The following SESN1 variants were observed in gnomAD, a reference collection of about 807,000 sequenced individuals.
SESN1 encodes the protein sestrin 1.
A neutral mutation model predicts 59.3 loss-of-function variants in SESN1; 30 were observed. The observed-to-expected ratio is 0.51, with a 90% confidence interval of 0.38 to 0.69. The LOEUF is 0.69. Ranked by LOEUF, SESN1 falls within the 30% of genes least tolerant of loss-of-function variation. The pLI, the probability that SESN1 is intolerant of heterozygous loss-of-function variation, is 0.00. For missense variants in SESN1, 566 were observed against 673.0 expected (o/e 0.84, Z 1.76); for synonymous variants, 197 against 219.9 (o/e 0.90, Z 0.92).
chr6:109,044,200 A>C (rs1238265264), intron 1 of SESN1, among the ~76,000 whole-genome samples: 1 of 151,538 alleles, frequency 6.6e-6, no homozygotes, highest in Non-Finnish European at 1.5e-5. Context: ...CGGTGATCCC[A>C]GCTACTTGGG....
intron 1 of SESN1, among the ~76,000 whole-genome samples, chr6:109,023,250 T>C (rs1303518572): frequency 6.6e-6 from 1 of 152,226 alleles, no homozygotes; most frequent in African/African-American, 2.4e-5. Flanking sequence ...ACTTTATACA[T>C]TTCTCCCTGA....
At position 109,026,273 on chromosome 6, in the gene SESN1, G is replaced by T. The variant is rs538842172; in HGVS notation, c.280-23930C>A. ...CCAACAGATCCTCAACTGAAGGAGT[G>T]TCAGTTCAGGAAGAAGCAAAATGAT... On this transcript the variant is annotated intron_variant, in intron 1 of 9. Coordinates refer to ENST00000436639, the MANE Select transcript of SESN1 (RefSeq NM_014454.3). 2.0e-4 allele frequency among the ~76,000 whole-genome samples: 30 copies of T among 152,250 alleles called. No homozygotes were observed. In the Middle Eastern group the frequency reaches 0.02, roughly 104 times the overall value.
chr6:109,075,832 G>T (rs1387069504), intron 1 of SESN1, among the ~76,000 whole-genome samples: 1 of 152,108 alleles, frequency 6.6e-6, no homozygotes, highest in Non-Finnish European at 1.5e-5. Context: ...TAATTCAGTT[G>T]TTAAAAAAAT....
intron 1 of SESN1, among the ~76,000 whole-genome samples, chr6:109,048,825 C>T (rs1333374935): frequency 6.6e-6 from 1 of 152,174 alleles, no homozygotes; most frequent in African/African-American, 2.4e-5. Context: ...TCTATGTGTT[C>T]CTGCATACCC....
At chr6:109,029,420 T>G (rs901518582) in intron 1 of SESN1, among the ~76,000 whole-genome samples, 2 of 152,246 alleles carry the variant, frequency 1.3e-5, no homozygotes, top group African/African-American at 2.4e-5. Context: ...TTAAATCTTT[T>G]TCTTGAGTGT....
chr6:109,085,874 G>A (rs528124131), intron 1 of SESN1, among the ~76,000 whole-genome samples: 13 of 152,194 alleles, frequency 8.5e-5, no homozygotes, highest in Middle Eastern at 3.4e-3. Context: ...CTTTAAGCAC[G>A]CTGCCCTCCC....
At chr6:108,991,150 G>GC (rs915277541) in intron 7 of SESN1, among the ~76,000 whole-genome samples, 1 of 151,522 alleles carries the variant, frequency 6.6e-6, no homozygotes, top group African/African-American at 2.4e-5. Context: ...TCTCCACTCA[G>GC]CCCCCCAGAT....
intron 1 of SESN1, among the ~76,000 whole-genome samples, chr6:109,008,545 C>G (rs1779782429): frequency 6.6e-6 from 1 of 152,054 alleles, no homozygotes; most frequent in African/African-American, 2.4e-5. Flanking sequence ...TTAAAGAAAT[C>G]ACGAAACCAC....
At position 109,002,317 on chromosome 6, in the gene SESN1, T is replaced by C. The variant is rs866921525; in HGVS notation, c.306A>G (p.Pro102=). 1 of 1,613,430 alleles carries C rather than the reference T, an allele frequency of 6.2e-7. No individual in the cohort carries two copies. Among genetic ancestry groups the C allele is most frequent in the Middle Eastern group, 1.7e-4 (1 of 6,058 alleles). Residue 102 remains proline, a synonymous_variant, in exon 2 of 10, where the codon CCA becomes CCG. Coordinates refer to ENST00000436639, the MANE Select transcript of SESN1 (RefSeq NM_014454.3). ...IQELGIRIPR[P]LGQGPSRFIP... ...TGAATCTGCTTGGTCCCTGTCCTAGTGGTCGAGGAATTCTAATGCCAAGTT... is the reference window on the plus strand; with the variant it reads ...TGAATCTGCTTGGTCCCTGTCCTAGCGGTCGAGGAATTCTAATGCCAAGTT...
Position 108,986,970 on chromosome 6 carries a change from T to C in SESN1, c.*574A>G, listed in dbSNP as rs1365414230. On this transcript the variant is annotated 3_prime_UTR_variant, in exon 10 of 10. Coordinates refer to ENST00000436639, the MANE Select transcript of SESN1 (RefSeq NM_014454.3). Reference sequence around the variant, plus strand: ...TCAAAATGGTTGTTGCTGAGCTGTGTGAGTAGGAATTCTATGCTTTTTTAG... The same window carrying C: ...TCAAAATGGTTGTTGCTGAGCTGTGCGAGTAGGAATTCTATGCTTTTTTAG... The C allele has an allele frequency of 6.5e-6, 1 of 152,678 alleles. No individual in the cohort carries two copies. The highest frequency in any genetic ancestry group is 1.5e-5 in the Non-Finnish European group (1 of 68,048). The allele number at this position is 152,678 out of a possible 1,614,324, so 9.5% of individuals were successfully genotyped here. A position where few individuals can be genotyped will look rare whatever the true frequency, so the allele number is the denominator to read the frequency against.
chr6:109,069,304 T>C (rs183850363), intron 1 of SESN1, among the ~76,000 whole-genome samples: 1 of 149,930 alleles, frequency 6.7e-6, no homozygotes, highest in Admixed American at 6.6e-5. Flanking sequence ...TAGAGAGGGG[T>C]AAAATAAAAC....
intron 1 of SESN1, among the ~76,000 whole-genome samples, chr6:109,023,053 G>T (rs1332308534): frequency 6.6e-6 from 1 of 152,070 alleles, no homozygotes; most frequent in Non-Finnish European, 1.5e-5. Context: ...CACCCTCTGT[G>T]ACCACCCAAA....
intron 1 of SESN1, among the ~76,000 whole-genome samples, chr6:109,056,808 A>G (rs537706646): frequency 6.6e-6 from 1 of 152,330 alleles, no homozygotes; most frequent in South Asian, 2.1e-4. Context: ...TACATCCTGT[A>G]TAGTCCCTTC....
At chr6:108,990,510 A>G (rs1041989561) in intron 8 of SESN1, 135 bp downstream of exon 8, 1 of 781,998 alleles carries the variant, frequency 1.3e-6, no homozygotes, top group African/African-American at 1.8e-5. Flanking sequence ...TGAAGCATAA[A>G]TAGCATAAAA....
intron 1 of SESN1, among the ~76,000 whole-genome samples, chr6:109,051,200 GT>G (rs1338937488): frequency 1.5e-4 from 23 of 152,066 alleles, no homozygotes; most frequent in African/African-American, 5.3e-4. Flanking sequence ...TTTCATGATG[GT>G]TTAAAACTTC....
intron 1 of SESN1, among the ~76,000 whole-genome samples, chr6:109,089,503 A>C (rs972038131): frequency 6.6e-6 from 1 of 152,198 alleles, no homozygotes; most frequent in East Asian, 1.9e-4. Flanking sequence ...CTGGAGAAGA[A>C]GACATAGCAG....
At chr6:109,003,457 G>C (rs1455483895) in intron 1 of SESN1, among the ~76,000 whole-genome samples, 4 of 152,050 alleles carry the variant, frequency 2.6e-5, no homozygotes, top group Admixed American at 1.3e-4. Flanking sequence ...CTTTAAAGCA[G>C]AACAGGCTTT....
intron 1 of SESN1, among the ~76,000 whole-genome samples, chr6:109,042,905 A>T (rs909581003): frequency 6.6e-6 from 1 of 152,138 alleles, no homozygotes; most frequent in Non-Finnish European, 1.5e-5. Context: ...ATACAAAAAA[A>T]GAAAAATACA....
intron 1 of SESN1, among the ~76,000 whole-genome samples, chr6:109,092,705 T>C (rs774739128): frequency 5.0e-4 from 76 of 152,224 alleles, no homozygotes; most frequent in Non-Finnish European, 8.2e-4. Context: ...GTCTAGAAGA[T>C]AGAGAAATAA....
Sources: allele counts gnomAD v4.1 joint callset (sites outside exome capture counted in the v4.1 genomes callset), GRCh38; gene constraint gnomAD v4.1.1; transcripts MANE v1.5; gene names NCBI Gene and HGNC (gene_info 2026-07-23, HGNC 2026-07-21).